ZNF469: variants seen among roughly 807,000 people sequenced by gnomAD.
The protein encoded by ZNF469 is zinc finger protein 469.
A neutral mutation model predicts 1.0 loss-of-function variants in ZNF469; 1 was observed. That is an observed-to-expected ratio of 1.00 (90% CI 0.35 to 4.73). The LOEUF is 4.73. Among genes scored for constraint, ZNF469 ranks in the 30% most tolerant of loss-of-function variants. The probability of loss-of-function intolerance (pLI) is 0.16; values close to 1 mark genes in which losing one functional copy is unlikely to be tolerated. For missense variants in ZNF469, 6,100 were observed against 5,356.3 expected (o/e 1.14, Z -4.33); for synonymous variants, 2,703 against 2,363.4 (o/e 1.14, Z -4.17).
the ZNF469 span, among the ~76,000 whole-genome samples, chr16:88,156,784 G>A: frequency 6.6e-6 from 1 of 152,044 alleles, no homozygotes; most frequent in African/African-American, 2.4e-5. Flanking sequence ...GAAGCAAGCA[G>A]CATGACCCAG....
the ZNF469 span, among the ~76,000 whole-genome samples, chr16:88,277,521 T>G: frequency 2.7e-4 from 6 of 22,358 alleles, no homozygotes; most frequent in African/African-American, 1.6e-3. Flanking sequence ...TAGATATCAG[T>G]GCACGGTTAG....
chr16:88,212,394 C>G, the ZNF469 span, among the ~76,000 whole-genome samples: 1 of 152,176 alleles, frequency 6.6e-6, no homozygotes, highest in Non-Finnish European at 1.5e-5. Context: ...CTTTGACACT[C>G]TTTCTTTTTT....
In ZNF469 at chr16:88,430,687, G is replaced by A; in HGVS notation, c.3217G>A (p.Gly1073Ser). Residue 1073 changes from glycine to serine, a missense_variant, in exon 3 of 3, where the codon GGC becomes AGC. Physicochemically the swap from Gly to Ser is moderately conservative, Grantham distance 56. Transcript: ENST00000565624. ...RRLGRRAGRC[G>S]SLAAGRPRPG... Reference sequence around the variant, plus strand: ...GCTGGGGCGGCGGGCGGGCAGGTGCGGCTCCCTGGCGGCGGGGAGGCCCCG... The same window carrying A: ...GCTGGGGCGGCGGGCGGGCAGGTGCAGCTCCCTGGCGGCGGGGAGGCCCCG... 6.7e-7 allele frequency: 1 copy of A among 1,487,270 alleles called. No individual in the cohort carries two copies. The highest frequency in any genetic ancestry group is 8.9e-7 in the Non-Finnish European group (1 of 1,127,318). The allele number at this position is 1,487,270 out of a possible 1,614,324, so 92.1% of individuals were successfully genotyped here.
the ZNF469 span, among the ~76,000 whole-genome samples, chr16:88,244,481 A>G: frequency 6.7e-6 from 1 of 150,248 alleles, no homozygotes; most frequent in Non-Finnish European, 1.5e-5. Flanking sequence ...GGGTGGATAC[A>G]TTGATGAGTG....
chr16:88,126,341 G>A, the ZNF469 span, among the ~76,000 whole-genome samples: 1 of 151,528 alleles, frequency 6.6e-6, no homozygotes, highest in Non-Finnish European at 1.5e-5. Flanking sequence ...AGTACAATGT[G>A]AGATAGAAGT....
In ZNF469 at chr16:88,437,239, G is replaced by A; in HGVS notation, c.9769G>A (p.Gly3257Arg). 1.9e-6 allele frequency: 3 copies of A among 1,549,082 alleles called. No individual in the cohort carries two copies. The highest frequency in any genetic ancestry group is 2.6e-6 in the Non-Finnish European group (3 of 1,146,330). The change falls in exon 3 of 3, where the codon GGG (glycine) becomes AGG (arginine). Residue 3257 changes from glycine to arginine, a missense_variant. Transcript: ENST00000565624. ...CGCCGGGAGCCCGGGAGACCCGTGG[G>A]GGCAAGAGGGAGAAGCCAAGAAAGA... is the stretch of plus-strand genomic sequence containing the variant. ...KAAGSPGDPW[G>R]QEGEAKKDSP...
intron 1 of ZNF469, among the ~76,000 whole-genome samples, chr16:88,406,502 C>G (rs1209038319): frequency 1.3e-5 from 2 of 152,246 alleles, no homozygotes; most frequent in East Asian, 1.9e-4. Flanking sequence ...CCGCCTGCAG[C>G]TCAGCAGAGG....
chr16:88,359,669 G>C, the ZNF469 span, among the ~76,000 whole-genome samples: 2 of 152,230 alleles, frequency 1.3e-5, no homozygotes, highest in South Asian at 4.2e-4. Flanking sequence ...ATACTTTCTG[G>C]ATACCAGTCT....
At chr16:88,123,898 GGT>G in the ZNF469 span, among the ~76,000 whole-genome samples, 2 of 152,158 alleles carry the variant, frequency 1.3e-5, no homozygotes, top group Non-Finnish European at 2.9e-5. Context: ...CCGTCTCCCA[GGT>G]TCAAGCGATT....
the ZNF469 span, among the ~76,000 whole-genome samples, chr16:88,305,876 C>T: frequency 3.9e-5 from 6 of 152,312 alleles, no homozygotes; most frequent in East Asian, 9.6e-4. Flanking sequence ...TGTTCACATA[C>T]ACACATACAT....
At chr16:88,382,479 A>T (rs757986336), upstream of ZNF469, among the ~76,000 whole-genome samples, 6 of 152,136 alleles carry the variant, frequency 3.9e-5, no homozygotes, top group Non-Finnish European at 8.8e-5. Context: ...GGGCAATGTT[A>T]GCTCCCACCT....
chr16:88,279,527 TCGG>T, the ZNF469 span, among the ~76,000 whole-genome samples: 1 of 146,060 alleles, frequency 6.8e-6, no homozygotes, highest in African/African-American at 2.6e-5. Context: ...ACACTGACAC[TCGG>T]TCAGTACCTT....
the ZNF469 span, among the ~76,000 whole-genome samples, chr16:88,307,289 T>C: frequency 6.6e-6 from 1 of 152,256 alleles, no homozygotes; most frequent in African/African-American, 2.4e-5. Context: ...TTGGCTATTG[T>C]GAATAATGAA....
rs755053882 is a variant in ZNF469 at position 88,431,778 on chromosome 16, C to T, written c.4308C>T (p.Thr1436=). The change falls in exon 3 of 3, where the codon ACC becomes ACT. Residue 1436 remains threonine (T), a synonymous_variant. Transcript: ENST00000565624. ...EPQLPRSPPG[T]AETEPGRAAS... The stretch of plus-strand genomic sequence containing the variant: ...AGCTGCCAAGGAGCCCACCTGGCAC[C>T]GCTGAGACGGAGCCAGGCAGGGCTG... The T allele has an allele frequency of 1.3e-6, 2 of 1,549,828 alleles. No homozygotes were observed. The highest frequency in any genetic ancestry group is 2.4e-5 in the East Asian group (1 of 40,916).
At chr16:88,413,312 T>C (rs1179261288) in intron 1 of ZNF469, among the ~76,000 whole-genome samples, 1 of 151,992 alleles carries the variant, frequency 6.6e-6, no homozygotes, top group Non-Finnish European at 1.5e-5. Flanking sequence ...CCGCTCTGTC[T>C]CTCCCCTCAG....
chr16:88,243,951 T>TATATATATATAG, the ZNF469 span, among the ~76,000 whole-genome samples: 1 of 120,776 alleles, frequency 8.3e-6, no homozygotes, highest in Non-Finnish European at 1.7e-5. Context: ...TATATATATA[T>TATATATATATAG]AAATGTATGT....
the ZNF469 span, among the ~76,000 whole-genome samples, chr16:88,130,706 CAAAAAAAAAA>C: frequency 9.7e-6 from 1 of 103,432 alleles, no homozygotes; most frequent in Admixed American, 9.9e-5. Flanking sequence ...AACTCTGTGT[CAAAAAAAAAA>C]AAAAAAAAAA....
At chr16:88,117,406 G>GA in the ZNF469 span, among the ~76,000 whole-genome samples, 3,130 of 152,346 alleles carry the variant, frequency 0.021, 43 homozygotes, top group African/African-American at 0.034. Flanking sequence ...AAAAAATGAA[G>GA]AAAAAATCAC....
the ZNF469 span, among the ~76,000 whole-genome samples, chr16:88,158,401 G>A: frequency 6.6e-6 from 1 of 152,114 alleles, no homozygotes; most frequent in Non-Finnish European, 1.5e-5. Context: ...CGAGCTGCAA[G>A]GCGACATCCT....
Sources: allele counts gnomAD v4.1 joint callset (sites outside exome capture counted in the v4.1 genomes callset), GRCh38; gene constraint gnomAD v4.1.1; transcripts MANE v1.5; gene names NCBI Gene and HGNC (gene_info 2026-07-23, HGNC 2026-07-21).